Variants in ZNF233 observed in about 807,000 individuals in gnomAD.
The protein encoded by ZNF233 is zinc finger protein 233.
Under a neutral mutation model 11.6 loss-of-function variants are expected in ZNF233, and 7 were observed. The ratio of observed to expected loss-of-function variants is 0.60; its 90% confidence interval spans 0.34 to 1.13. The LOEUF (loss-of-function observed/expected upper bound fraction) is 1.13, where lower values mean the gene tolerates loss of function less well. Among genes scored for constraint, ZNF233 ranks in the 50% most tolerant of loss-of-function variants. ZNF233 has a pLI of 0.03. For synonymous variants in ZNF233, 226 were observed against 268.5 expected (o/e 0.84, Z 1.55); for missense variants, 711 against 785.5 (o/e 0.91, Z 1.13).
chr19:44,263,553 G>A (rs977652606), intron 1 of ZNF233, among the ~76,000 whole-genome samples: 52 of 152,130 alleles, frequency 3.4e-4, no homozygotes, highest in African/African-American at 1.3e-3. Context: ...CAGTGAGCAC[G>A]GGAAAGGGAG....
intron 2 of ZNF233, among the ~76,000 whole-genome samples, chr19:44,265,364 TATACACAC>T (rs1231276145): frequency 0.015 from 856 of 57,806 alleles, 7 homozygotes; most frequent in African/African-American, 0.044. Flanking sequence ...ATCATATATA[TATACACAC>T]ACACACACAC....
intron 4 of ZNF233, among the ~76,000 whole-genome samples, chr19:44,270,142 T>A (rs575920010): frequency 6.6e-6 from 1 of 152,210 alleles, no homozygotes; most frequent in African/African-American, 2.4e-5. Flanking sequence ...CTTCTGATGT[T>A]ATGTTCAGCC....
chr19:44,265,356 C>CATAT lies in ZNF233; in HGVS notation c.16-834_16-831dup, dbSNP rs779403073. On this transcript the variant is annotated intron_variant, in intron 2 of 4. Coordinates refer to ENST00000683810, the MANE Select transcript of ZNF233 (RefSeq NM_001207005.2). ...TTTTTATGGCTGAGTAGTATTCCAT[C>CATAT]ATATATATATACACACACACACACA... Among the ~76,000 whole-genome samples, 420 of 115,584 alleles carry CATAT rather than the reference C, an allele frequency of 3.6e-3. 1 individual carries two copies. The highest frequency in any genetic ancestry group is 0.011 in the African/African-American group (378 of 34,362). 75.8% of individuals were successfully genotyped at this position (115,584 alleles called of 152,430 possible). A position where few individuals can be genotyped will look rare whatever the true frequency, so the allele number is the denominator to read the frequency against.
At position 44,273,883 on chromosome 19, in the gene ZNF233, G is replaced by C; in HGVS notation, c.1223G>C (p.Ser408Thr). Reference sequence around the variant, plus strand: ...TGTGATGTATATGATAAAGGCTTCAGTCAGACATCACAACTTCAAGCCCAT... The same window carrying C: ...TGTGATGTATATGATAAAGGCTTCACTCAGACATCACAACTTCAAGCCCAT... ...CKCDVYDKGFSQTSQLQAHQR... is the reference protein window; with the variant it reads ...CKCDVYDKGFTQTSQLQAHQR... The change falls in exon 5 of 5, where the codon AGT becomes ACT. Residue 408 changes from serine to threonine, a missense_variant. Coordinates refer to ENST00000683810, the MANE Select transcript of ZNF233 (RefSeq NM_001207005.2). 1 of 1,614,228 alleles carries C rather than the reference G, an allele frequency of 6.2e-7. No individual in the cohort carries two copies. The highest frequency in any genetic ancestry group is 8.5e-7 in the Non-Finnish European group (1 of 1,180,042).
At chr19:44,265,362 T>C (rs1339980114) in intron 2 of ZNF233, among the ~76,000 whole-genome samples, 167 of 87,628 alleles carry the variant, frequency 1.9e-3, no homozygotes, top group East Asian at 3.4e-3. Context: ...CCATCATATA[T>C]ATATACACAC....
chr19:44,267,660 G>C, intron 4 of ZNF233: 2 of 369,770 alleles, frequency 5.4e-6, no homozygotes, highest in Non-Finnish European at 9.6e-6. Context: ...AGGATTACAG[G>C]CATGAGCCAC....
At position 44,274,113 on chromosome 19, in the gene ZNF233, T is replaced by A. The variant is rs1222114792; in HGVS notation, c.1453T>A (p.Cys485Ser). The A allele has an allele frequency of 3.1e-6, 5 of 1,613,984 alleles. No individual in the cohort carries two copies. Among genetic ancestry groups the A allele is most frequent in the Non-Finnish European group, 4.2e-6 (5 of 1,180,000 alleles). The change falls in exon 5 of 5, where the codon TGT becomes AGT. Residue 485 changes from cysteine (C) to serine (S), a missense_variant. Transcript: ENST00000683810. ...AGAGAAACCCTACAAATGTGATGTG[T>A]GTGATAAGAACTTCAGCCGTAATTC... The part of the protein sequence containing the change: ...TGEKPYKCDV[C>S]DKNFSRNSHL...
intron 2 of ZNF233, among the ~76,000 whole-genome samples, chr19:44,265,360 T>TAC (rs763385526): frequency 9.3e-5 from 4 of 43,056 alleles, no homozygotes; most frequent in East Asian, 2.2e-3. Flanking sequence ...TTCCATCATA[T>TAC]ATATATACAC....
intron 2 of ZNF233, 79 bp downstream of exon 2, chr19:44,264,454 T>A (rs533291909): frequency 3.5e-5 from 49 of 1,402,948 alleles, no homozygotes; most frequent in Admixed American, 2.4e-4. Context: ...TTCTCTTCCT[T>A]GGGAAAGATA....
intron 3 of ZNF233, 71 bp downstream of exon 3, chr19:44,266,395 T>A: frequency 7.1e-7 from 1 of 1,405,996 alleles, no homozygotes; most frequent in Non-Finnish European, 9.3e-7. Context: ...ATTTAAGACT[T>A]TGGGACGCTT....
At position 44,266,208 on chromosome 19, in the gene ZNF233, C is replaced by T. The variant is rs756681617; in HGVS notation, c.26C>T (p.Thr9Ile). 9 of 1,609,308 alleles carry T rather than the reference C, an allele frequency of 5.6e-6. No individual in the cohort carries two copies. The highest frequency in any genetic ancestry group is 7.6e-6 in the Non-Finnish European group (9 of 1,177,616). MTKFQEMV[T>I]FKDVAVVFTR... ...TGCTTGATGTTGTAGGAGATGGTGA[C>T]ATTCAAGGATGTGGCTGTGGTCTTC... Residue 9 changes from threonine to isoleucine, a missense_variant, in exon 3 of 5, where the codon ACA becomes ATA. Thr to Ile is a moderately conservative substitution (Grantham distance 89). Transcript: ENST00000683810.
chr19:44,273,668 C>T lies in ZNF233; in HGVS notation c.1008C>T (p.Ser336=). 6.2e-7 allele frequency: 1 copy of T among 1,614,044 alleles called. No homozygotes were observed. Among genetic ancestry groups the T allele is most frequent in the Non-Finnish European group, 8.5e-7 (1 of 1,179,970 alleles). ...GSHLQPHQRV[S]TGENLYRCQV... ...ATCTGCAACCTCATCAGAGAGTCAGCACAGGAGAGAACCTCTACAGATGTC... is the reference window on the plus strand; with the variant it reads ...ATCTGCAACCTCATCAGAGAGTCAGTACAGGAGAGAACCTCTACAGATGTC... The change falls in exon 5 of 5, where the codon AGC becomes AGT. Residue 336 remains serine, a synonymous_variant. Coordinates refer to ENST00000683810, the MANE Select transcript of ZNF233 (RefSeq NM_001207005.2).
At chr19:44,267,536 G>T in intron 4 of ZNF233, 1 of 378,346 alleles carries the variant, frequency 2.6e-6, no homozygotes, top group Non-Finnish European at 4.6e-6. Context: ...TTAAAACTAT[G>T]TATATATACA....
Position 44,274,169 on chromosome 19 carries a change from A to G in ZNF233, c.1509A>G (p.Thr503=). Residue 503 remains threonine, a synonymous_variant, in exon 5 of 5, where the codon ACA becomes ACG. Transcript: ENST00000683810. ...TTCAGGCCCATCAGAGAGTCCATAC[A>G]GGAGAGAAACCCTACAAATGTGACA... is the stretch of plus-strand genomic sequence containing the variant. The part of the protein sequence containing the change: ...SHLQAHQRVH[T]GEKPYKCDTC... 6.2e-7 allele frequency: 1 copy of G among 1,613,572 alleles called. No individual in the cohort carries two copies. The highest frequency in any genetic ancestry group is 8.5e-7 in the Non-Finnish European group (1 of 1,179,848).
chr19:44,262,961 T>G (rs1974976742), intron 1 of ZNF233, among the ~76,000 whole-genome samples: 1 of 152,136 alleles, frequency 6.6e-6, no homozygotes, highest in Admixed American at 6.5e-5. Flanking sequence ...GAGACACGAT[T>G]AAGAGACAGG....
chr19:44,260,007 C>G, intron 1 of ZNF233, 69 bp downstream of exon 1: 1 of 431,934 alleles, frequency 2.3e-6, no homozygotes, highest in South Asian at 1.6e-5. Context: ...TCGCAGGTGC[C>G]TGCCCTCGCT....
intron 1 of ZNF233, among the ~76,000 whole-genome samples, chr19:44,263,495 T>TA (rs1055924203): frequency 1.3e-5 from 2 of 151,956 alleles, no homozygotes; most frequent in African/African-American, 2.4e-5. Context: ...AACTTTTGTT[T>TA]AAAAAAAAGC....
chr19:44,268,286 G>A (rs1288418912), intron 4 of ZNF233: 2 of 151,852 alleles, frequency 1.3e-5, no homozygotes, highest in African/African-American at 4.8e-5. Flanking sequence ...CTTTTCTATG[G>A]TCTCTTTCCC....
chr19:44,262,302 GAGA>G (rs1222244756), intron 1 of ZNF233, among the ~76,000 whole-genome samples: 1 of 152,236 alleles, frequency 6.6e-6, no homozygotes, highest in East Asian at 1.9e-4. Context: ...GGGATTACAA[GAGA>G]AGGACAGGGA....
Sources: allele counts gnomAD v4.1 joint callset (sites outside exome capture counted in the v4.1 genomes callset), GRCh38; gene constraint gnomAD v4.1.1; transcripts MANE v1.5; gene names NCBI Gene and HGNC (gene_info 2026-07-23, HGNC 2026-07-21).